The following RAI1 variants were observed in gnomAD, a reference collection of about 807,000 sequenced individuals.
RAI1 encodes the protein retinoic acid induced 1, also known as retinoic acid-induced protein 1.
In RAI1, 9 loss-of-function variants were observed where a neutral mutation model predicts 123.8. The observed-to-expected ratio is 0.07, with a 90% CI of 0.04 to 0.13. The LOEUF (loss-of-function observed/expected upper bound fraction) is 0.13. Among genes scored for constraint, RAI1 ranks in the 10% least tolerant of loss-of-function variants. The pLI is 1.00. For synonymous variants in RAI1, 1,231 were observed against 1,127.3 expected (o/e 1.09, Z -1.84); for missense variants, 2,256 against 2,545.8 (o/e 0.89, Z 2.45).
intron 2 of RAI1, among the ~76,000 whole-genome samples, chr17:17,737,672 A>T (rs1253157523): frequency 6.6e-6 from 1 of 151,904 alleles, no homozygotes; most frequent in African/African-American, 2.4e-5. Flanking sequence ...ATATCCCCCT[A>T]CCATGGGGAT....
At chr17:17,756,768 A>C (rs1037488137) in intron 2 of RAI1, among the ~76,000 whole-genome samples, 1 of 152,200 alleles carries the variant, frequency 6.6e-6, no homozygotes, top group African/African-American at 2.4e-5. Context: ...GGCACTGGAG[A>C]AAGCAAATCA....
rs1446725250 is a variant in RAI1 at position 17,797,208 on chromosome 17, T to C, written c.4260T>C (p.Ser1420=). ...GKLMNSKKLS[S]TDCFKTEAFT... ...TCATGAACAGTAAGAAACTGTCTTC[T>C]ACTGACTGTTTCAAAACCGAGGCCT... The change falls in exon 3 of 6, where the codon TCT becomes TCC. Residue 1420 remains serine (S), a synonymous_variant. Coordinates refer to ENST00000353383, the MANE Select transcript of RAI1 (RefSeq NM_030665.4). The C allele has an allele frequency of 4.3e-6, 7 of 1,613,794 alleles. No homozygotes were observed. The highest frequency in any genetic ancestry group is 5.9e-6 in the Non-Finnish European group (7 of 1,180,036).
rs748834872 is a variant in RAI1, at chr17:17,794,217, T to C, written c.1269T>C (p.Pro423=). Residue 423 remains proline (P), a synonymous_variant, in exon 3 of 6, where the codon CCT becomes CCC. Transcript: ENST00000353383. The part of the protein sequence containing the change: ...NCKPLQKDKL[P]ENLLSDLSLQ... The stretch of plus-strand genomic sequence containing the variant: ...AGCCCCTTCAGAAGGACAAGCTCCC[T>C]GAGAACCTGCTGTCGGATCTCAGCC... 3 of 1,613,466 alleles carry C rather than the reference T, an allele frequency of 1.9e-6. No homozygotes were observed. In the South Asian group the frequency reaches 3.3e-5, roughly 18 times the overall value.
chr17:17,797,461 G>A lies in RAI1; in HGVS notation c.4513G>A (p.Gly1505Ser). 1 of 1,613,350 alleles carries A rather than the reference G, an allele frequency of 6.2e-7. No homozygotes were observed. Among genetic ancestry groups the A allele is most frequent in the Non-Finnish European group, 8.5e-7 (1 of 1,179,854 alleles). Reference sequence around the variant, plus strand: ...CAAGAAGCCAAAGATGGAGGAGCTGGGCCTGGCCTCCCAGCCCCCGGAGGG... The same window carrying A: ...CAAGAAGCCAAAGATGGAGGAGCTGAGCCTGGCCTCCCAGCCCCCGGAGGG... The part of the protein sequence containing the change: ...GGKKPKMEEL[G>S]LASQPPEGRP... Residue 1505 changes from glycine to serine, a missense_variant, in exon 3 of 6, where the codon GGC becomes AGC. Gly to Ser is a moderately conservative substitution (Grantham distance 56, BLOSUM62 0). Around this residue, in one of 7 missense-constraint regions of RAI1, gnomAD observed 410 missense variants for 374.6 expected, o/e 1.09. Coordinates refer to ENST00000353383, the MANE Select transcript of RAI1 (RefSeq NM_030665.4).
At chr17:17,774,251 A>G (rs1455866481) in intron 2 of RAI1, among the ~76,000 whole-genome samples, 2 of 152,158 alleles carry the variant, frequency 1.3e-5, no homozygotes, top group Non-Finnish European at 2.9e-5. Flanking sequence ...CACTATCCCT[A>G]TTTTATGGGT....
intron 1 of RAI1, chr17:17,682,379 A>C (rs895762512): frequency 1.3e-5 from 2 of 150,768 alleles, no homozygotes; most frequent in African/African-American, 4.9e-5. Flanking sequence ...GCAGGCCCCG[A>C]GGCCGGGCAG....
intron 1 of RAI1, among the ~76,000 whole-genome samples, chr17:17,717,781 T>C (rs1391423107): frequency 6.6e-6 from 1 of 152,152 alleles, no homozygotes; most frequent in Non-Finnish European, 1.5e-5. Flanking sequence ...ATAGTCTGGA[T>C]GCCCCAGGAG....
intron 2 of RAI1, among the ~76,000 whole-genome samples, chr17:17,748,817 G>A (rs530267430): frequency 6.6e-6 from 1 of 152,308 alleles, no homozygotes; most frequent in African/African-American, 2.4e-5. Flanking sequence ...CAGGGGCCAT[G>A]ACAGGTATGT....
Position 17,809,818 on chromosome 17 carries a change from G to A in RAI1, c.5710-152G>A, listed in dbSNP as rs1321823002. 4 of 1,000,894 alleles carry A rather than the reference G, an allele frequency of 4.0e-6. No individual in the cohort carries two copies. Among genetic ancestry groups the A allele is most frequent in the African/African-American group, 3.3e-5 (2 of 61,216 alleles). The allele number at this position is 1,000,894 out of a possible 1,614,324, so 62.0% of individuals were successfully genotyped here. ...GAAGCTGGACGGGGTGGGGCCAGAA[G>A]GGGTGGTGCCGACGGCCTCGGGCGG... On this transcript the variant is annotated intron_variant, in intron 5 of 5. Coordinates refer to ENST00000353383, the MANE Select transcript of RAI1 (RefSeq NM_030665.4). This position sits in a 1 kb window ranked among gnomAD's most constrained non-coding sequence, Gnocchi z 4.9.
chr17:17,710,706 G>T (rs1915539762), intron 1 of RAI1, among the ~76,000 whole-genome samples: 1 of 152,202 alleles, frequency 6.6e-6, no homozygotes, highest in Non-Finnish European at 1.5e-5. Flanking sequence ...AGAAACTGAG[G>T]TAAAAAAGTG....
In RAI1 at chr17:17,795,691, G is replaced by A; in HGVS notation, c.2743G>A (p.Gly915Ser). The A allele has an allele frequency of 6.2e-7, 1 of 1,613,322 alleles. No individual in the cohort carries two copies. Among genetic ancestry groups the A allele is most frequent in the Non-Finnish European group, 8.5e-7 (1 of 1,180,000 alleles). Residue 915 changes from glycine (G) to serine (S), a missense_variant, in exon 3 of 6, where the codon GGC becomes AGC. Coordinates refer to ENST00000353383, the MANE Select transcript of RAI1 (RefSeq NM_030665.4). The surrounding 1 kb of genome is among the most constrained non-coding windows in gnomAD (Gnocchi z 5.9). ...GGTGCTGGACTCCAAGGCCGGCTGG[G>A]GCTCTCCGTGCCACCTCTCAGGGGA... The part of the protein sequence containing the change: ...EEVLDSKAGW[G>S]SPCHLSGESV...
intron 1 of RAI1, among the ~76,000 whole-genome samples, chr17:17,700,312 G>T (rs1384900963): frequency 2.6e-5 from 4 of 152,090 alleles, no homozygotes; most frequent in Admixed American, 2.6e-4. Context: ...AAGCTCCGCG[G>T]CCCGCCTCCT....
intron 2 of RAI1, among the ~76,000 whole-genome samples, chr17:17,728,161 G>A (rs963749624): frequency 2.0e-5 from 3 of 151,978 alleles, no homozygotes. Flanking sequence ...TTGTGTGTGC[G>A]CGTGCATGCA....
intron 2 of RAI1, chr17:17,779,274 G>A (rs1394168270): frequency 1.7e-5 from 5 of 300,064 alleles, no homozygotes; most frequent in Middle Eastern, 1.2e-3. Context: ...AGCAGACTGC[G>A]TGTCTGGGGG....
Position 17,746,367 on chromosome 17 carries a change from T to C in RAI1, c.-17+22208T>C, listed in dbSNP as rs148972495. Among the ~76,000 whole-genome samples the C allele has an allele frequency of 8.0e-4, 122 of 152,306 alleles. 6 individuals carry two copies. In the East Asian group the frequency reaches 0.023, roughly 29 times the overall value. Reference sequence around the variant, plus strand: ...GAAGGAAACATCTGTTCAGTCCTCTTTCAGAGCGAGGCAGGCAGCGGACTG... The same window carrying C: ...GAAGGAAACATCTGTTCAGTCCTCTCTCAGAGCGAGGCAGGCAGCGGACTG... On this transcript the variant is annotated intron_variant, in intron 2 of 5. Transcript: ENST00000353383.
intron 2 of RAI1, among the ~76,000 whole-genome samples, chr17:17,745,560 G>T (rs2029885602): frequency 6.6e-6 from 1 of 152,010 alleles, no homozygotes; most frequent in Non-Finnish European, 1.5e-5. Flanking sequence ...ACCACGCCTG[G>T]CTATTTTTGT....
At chr17:17,737,608 G>C (rs537692428) in intron 2 of RAI1, among the ~76,000 whole-genome samples, 1 of 152,176 alleles carries the variant, frequency 6.6e-6, no homozygotes, top group Non-Finnish European at 1.5e-5. Context: ...GCTGAGGCTT[G>C]CTCCCCAGCC....
chr17:17,754,853 C>T (rs1375254317), intron 2 of RAI1, among the ~76,000 whole-genome samples: 3 of 152,184 alleles, frequency 2.0e-5, no homozygotes, highest in African/African-American at 7.2e-5. Context: ...ATAGTAGGTG[C>T]TTGGTAAGCA....
chr17:17,733,115 A>G (rs1916321020), intron 2 of RAI1, among the ~76,000 whole-genome samples: 1 of 152,138 alleles, frequency 6.6e-6, no homozygotes, highest in South Asian at 2.1e-4. Context: ...GTTCCCACTC[A>G]TGTGCCAGCT....
Sources: allele counts gnomAD v4.1 joint callset (sites outside exome capture counted in the v4.1 genomes callset), GRCh38; gene constraint gnomAD v4.1.1; regional missense constraint gnomAD v4.1.1; non-coding constraint Gnocchi (gnomAD v3.1); transcripts MANE v1.5; gene names NCBI Gene and HGNC (gene_info 2026-07-23, HGNC 2026-07-21).